Variants in CDH6 observed in about 807,000 individuals in gnomAD.
CDH6 encodes the protein cadherin 6.
In CDH6, 31 loss-of-function variants were observed where a neutral mutation model predicts 78.0. That is an observed-to-expected ratio of 0.40 (90% CI 0.30 to 0.54). The LOEUF is 0.54. Ranked by LOEUF, CDH6 falls within the 20% of genes least tolerant of loss-of-function variation. The pLI is 0.56. For synonymous variants in CDH6, 376 were observed against 368.8 expected, an observed-to-expected ratio of 1.02 and a Z score of -0.23; for missense variants, 724 against 975.9, an observed-to-expected ratio of 0.74 and a Z score of 3.44.
chr5:31,295,286 T>C (rs1214266319), intron 3 of CDH6, among the ~76,000 whole-genome samples: 4 of 152,184 alleles, frequency 2.6e-5, no homozygotes, highest in Admixed American at 2.0e-4. Context: ...TCTTCACTGC[T>C]TATAGCAGCA....
At position 31,284,432 on chromosome 5, in the gene CDH6, A is replaced by G. The variant is rs1579881874; in HGVS notation, c.229-9530A>G. On this transcript the variant is annotated intron_variant, in intron 2 of 11. Coordinates refer to ENST00000265071, the MANE Select transcript of CDH6 (RefSeq NM_004932.4). ...TGAATCTGAATCCACAGGGTGGAAC[A>G]GTGGCAAGGTTTGGGTAAAGGTGAA... Among the ~76,000 whole-genome samples the G allele has an allele frequency of 2.0e-5, 3 of 152,358 alleles. No homozygotes were observed. In the South Asian group the frequency reaches 6.2e-4, roughly 32 times the overall value.
chr5:31,219,837 C>T (rs934627690), intron 1 of CDH6, among the ~76,000 whole-genome samples: 4 of 152,136 alleles, frequency 2.6e-5, no homozygotes, highest in African/African-American at 9.7e-5. Flanking sequence ...GACTTCTATG[C>T]ACTATCAATC....
At chr5:31,264,052 GAC>G (rs1742278883) in intron 1 of CDH6, among the ~76,000 whole-genome samples, 1 of 152,126 alleles carries the variant, frequency 6.6e-6, no homozygotes, top group South Asian at 2.1e-4. Flanking sequence ...AAACAGTGGT[GAC>G]AAGTCACACA....
At chr5:31,308,160 T>G (rs1348185659) in intron 7 of CDH6, among the ~76,000 whole-genome samples, 1 of 152,084 alleles carries the variant, frequency 6.6e-6, no homozygotes, top group Non-Finnish European at 1.5e-5. Context: ...GGTGAAAAAT[T>G]AACACTAGAA....
rs1202836661 is a variant in CDH6, at chr5:31,327,385, G to C, written c.*4077G>C. On this transcript the variant is annotated 3_prime_UTR_variant, in exon 12 of 12. Transcript: ENST00000265071. Reference sequence around the variant, plus strand: ...AGCAGTGTAATTACTCTGGAAGAAGGCTCTAAAAAGTCATGATTCCCCCAC... The same window carrying C: ...AGCAGTGTAATTACTCTGGAAGAAGCCTCTAAAAAGTCATGATTCCCCCAC... 1 of 191,994 alleles carries C rather than the reference G, an allele frequency of 5.2e-6. No homozygotes were observed. The highest frequency in any genetic ancestry group is 2.3e-5 in the African/African-American group (1 of 43,010). 11.9% of individuals were successfully genotyped at this position (191,994 alleles called of 1,614,324 possible). A position where few individuals can be genotyped will look rare whatever the true frequency, so the allele number is the denominator to read the frequency against.
At chr5:31,251,582 C>A (rs1741910556) in intron 1 of CDH6, 1 of 152,152 alleles carries the variant, frequency 6.6e-6, no homozygotes, top group African/African-American at 2.4e-5. Context: ...CTGAGAGTTG[C>A]AAATGGGAAT....
chr5:31,286,875 A>G (rs992782129), intron 2 of CDH6, among the ~76,000 whole-genome samples: 1 of 152,184 alleles, frequency 6.6e-6, no homozygotes, highest in Non-Finnish European at 1.5e-5. Flanking sequence ...TAGGTGAATC[A>G]AGATATACAT....
At chr5:31,302,323 A>G (rs1259948828) in intron 6 of CDH6, 25 bp downstream of exon 6, 1 of 1,564,512 alleles carries the variant, frequency 6.4e-7, no homozygotes, top group South Asian at 1.2e-5. Flanking sequence ...TAAACACCAT[A>G]CAGAGTGAAC....
At chr5:31,288,428 G>A (rs910847576) in intron 2 of CDH6, among the ~76,000 whole-genome samples, 32 of 152,100 alleles carry the variant, frequency 2.1e-4, no homozygotes, top group Non-Finnish European at 7.4e-5. Context: ...TCTAATCCCT[G>A]CCATGTACTT....
intron 3 of CDH6, among the ~76,000 whole-genome samples, chr5:31,295,760 T>G (rs180775533): frequency 1.3e-5 from 2 of 152,268 alleles, no homozygotes; most frequent in East Asian, 3.9e-4. Flanking sequence ...ATTATTTGAT[T>G]TCTCTGATCC....
chr5:31,255,632 T>C (rs1315198517), intron 1 of CDH6, among the ~76,000 whole-genome samples: 1 of 152,232 alleles, frequency 6.6e-6, no homozygotes, highest in African/African-American at 2.4e-5. Flanking sequence ...TGACGGTCAG[T>C]TAACACAAAC....
intron 1 of CDH6, among the ~76,000 whole-genome samples, chr5:31,209,854 G>T (rs756848580): frequency 6.6e-6 from 1 of 152,072 alleles, no homozygotes; most frequent in Non-Finnish European, 1.5e-5. Flanking sequence ...AGTCGAAGAT[G>T]GTTGCTGGTG....
Position 31,317,275 on chromosome 5 carries a change from TA to T in CDH6, c.1513-97del, listed in dbSNP as rs2149959719. The T allele has an allele frequency of 5.9e-6, 4 of 673,864 alleles. No homozygotes were observed. The South Asian group carries it at 7.3e-5, about 12-fold the overall frequency. 41.7% of individuals were successfully genotyped at this position (673,864 alleles called of 1,614,324 possible). On this transcript the variant is annotated intron_variant, in intron 9 of 11. Coordinates refer to ENST00000265071, the MANE Select transcript of CDH6 (RefSeq NM_004932.4). ...ACTTAAAGGCTATCATTTTTATAATTAAATTTTTAAATCATTTTGTCAAGCA... is the reference window on the plus strand; with the variant it reads ...ACTTAAAGGCTATCATTTTTATAATTAATTTTTAAATCATTTTGTCAAGCA...
At chr5:31,209,349 T>A (rs1318235630) in intron 1 of CDH6, among the ~76,000 whole-genome samples, 1 of 152,174 alleles carries the variant, frequency 6.6e-6, no homozygotes, top group Admixed American at 6.5e-5. Context: ...CACAATTCTC[T>A]TGCTTAAAGC....
At chr5:31,276,103 A>G (rs1742684659) in intron 2 of CDH6, among the ~76,000 whole-genome samples, 1 of 152,222 alleles carries the variant, frequency 6.6e-6, no homozygotes, top group South Asian at 2.1e-4. Flanking sequence ...GCCAGTTACC[A>G]AGATGACAAT....
chr5:31,328,654 C>G lies in CDH6; in HGVS notation c.*5346C>G, dbSNP rs74833812. The G allele has an allele frequency of 5.8e-3, 1,207 of 208,348 alleles. 21 individuals carry two copies. Among genetic ancestry groups the G allele is most frequent in the East Asian group, 0.046 (634 of 13,698 alleles). 12.9% of individuals were successfully genotyped at this position (208,348 alleles called of 1,614,324 possible). ...CTGTGATTTGTGACTTTTAAACCCA[C>G]AAAATAAAAGCTTTTTGGTATTGAT... On this transcript the variant is annotated 3_prime_UTR_variant, in exon 12 of 12. Coordinates refer to ENST00000265071, the MANE Select transcript of CDH6 (RefSeq NM_004932.4).
At chr5:31,284,930 G>C (rs938490994) in intron 2 of CDH6, among the ~76,000 whole-genome samples, 1 of 152,182 alleles carries the variant, frequency 6.6e-6, no homozygotes, top group Non-Finnish European at 1.5e-5. Context: ...GAGCAAAGCA[G>C]GAGGAGAAAG....
intron 1 of CDH6, among the ~76,000 whole-genome samples, chr5:31,255,626 G>A (rs557464539): frequency 1.3e-5 from 2 of 152,176 alleles, no homozygotes; most frequent in African/African-American, 2.4e-5. Flanking sequence ...TTAATTTGAC[G>A]GTCAGTTAAC....
intron 2 of CDH6, among the ~76,000 whole-genome samples, chr5:31,275,069 T>C (rs370368281): frequency 3.3e-5 from 5 of 152,342 alleles, no homozygotes; most frequent in African/African-American, 1.2e-4. Context: ...ACCACGTAGA[T>C]ACTGATTGCA....
Sources: allele counts gnomAD v4.1 joint callset (sites outside exome capture counted in the v4.1 genomes callset), GRCh38; gene constraint gnomAD v4.1.1; transcripts MANE v1.5; gene names NCBI Gene and HGNC (gene_info 2026-07-23, HGNC 2026-07-21).